The following TRIM62 variants were observed in gnomAD, a reference collection of about 807,000 sequenced individuals.
The protein encoded by TRIM62 is E3 ubiquitin-protein ligase TRIM62.
A neutral mutation model predicts 44.2 loss-of-function variants in TRIM62; 39 were observed. The observed-to-expected ratio is 0.88, with a 90% CI of 0.68 to 1.15. The LOEUF is 1.15. TRIM62 is among the 50% of genes most tolerant of loss of function. The pLI, the probability that TRIM62 is intolerant of heterozygous loss-of-function variation, is 0.00. For missense variants in TRIM62, 544 were observed against 665.5 expected (o/e 0.82, Z 2.01); for synonymous variants, 278 against 292.3 (o/e 0.95, Z 0.50).
At chr1:33,170,998 C>A (rs1262242459) in intron 1 of TRIM62, among the ~76,000 whole-genome samples, 1 of 152,172 alleles carries the variant, frequency 6.6e-6, no homozygotes, top group South Asian at 2.1e-4. Context: ...GTGTCTTCAT[C>A]CCTCACTGTG....
intron 1 of TRIM62, among the ~76,000 whole-genome samples, 170 bp downstream of exon 1, chr1:33,180,855 G>T (rs945121436): frequency 1.3e-4 from 2 of 15,056 alleles, no homozygotes; most frequent in Non-Finnish European, 2.7e-4. Flanking sequence ...CGGCGGCCCC[G>T]CCCCTCCCTG....
chr1:33,147,444 G>A lies in TRIM62; in HGVS notation c.1161C>T (p.Tyr387=), dbSNP rs1265796474. The A allele has an allele frequency of 1.9e-6, 3 of 1,614,044 alleles. No homozygotes were observed. In the Admixed American group the frequency reaches 5.0e-5, roughly 27 times the overall value. Residue 387 remains tyrosine (Y), a synonymous_variant, in exon 5 of 5, where the codon TAC becomes TAT. Coordinates refer to ENST00000291416, the MANE Select transcript of TRIM62 (RefSeq NM_018207.3). This position sits in a 1 kb window ranked among gnomAD's most constrained non-coding sequence, Gnocchi z 8.1. ...GGTTGCCATCGTGCATCACGATGCA[G>A]TAGAAGCCGCGGCTGGGCTGGATCT... The part of the protein sequence containing the change: ...SIQIQPSRGF[Y]CIVMHDGNQY...
In TRIM62 at chr1:33,181,065, T is replaced by C; in HGVS notation, c.368A>G (p.His123Arg). The C allele has an allele frequency of 6.3e-7, 1 of 1,595,058 alleles. No homozygotes were observed. The highest frequency in any genetic ancestry group is 1.3e-5 in the African/African-American group (1 of 74,464). The stretch of plus-strand genomic sequence containing the variant: ...GGCGTCGTCGATGCCGGTGACCTGA[T>C]GCTGCTCGTGCAGTGCAGGCTCGTC... ...FCDEPALHEQ[H>R]QVTGIDDAFD... The change falls in exon 1 of 5, where the codon CAT (histidine) becomes CGT (arginine). Residue 123 changes from histidine to arginine, a missense_variant. Coordinates refer to ENST00000291416, the MANE Select transcript of TRIM62 (RefSeq NM_018207.3). The surrounding 1 kb of genome is among the most constrained non-coding windows in gnomAD (Gnocchi z 6.5).
At chr1:33,158,873 T>G (rs1356845272) in intron 3 of TRIM62, among the ~76,000 whole-genome samples, 1 of 151,644 alleles carries the variant, frequency 6.6e-6, no homozygotes, top group Non-Finnish European at 1.5e-5. Flanking sequence ...AGAGTTTCGC[T>G]CTTATTGCCC....
intron 1 of TRIM62, among the ~76,000 whole-genome samples, chr1:33,178,514 A>C (rs573181733): frequency 4.6e-5 from 7 of 152,328 alleles, no homozygotes; most frequent in African/African-American, 1.7e-4. Flanking sequence ...AGCTGGGCAC[A>C]TGAGCTCTCA....
intron 1 of TRIM62, among the ~76,000 whole-genome samples, chr1:33,170,018 G>A (rs1645360636): frequency 6.6e-6 from 1 of 152,108 alleles, no homozygotes; most frequent in South Asian, 2.1e-4. Context: ...TAATTGCAAG[G>A]TTACCTGTCA....
intron 4 of TRIM62, among the ~76,000 whole-genome samples, chr1:33,151,225 G>T (rs1645092886): frequency 6.6e-6 from 1 of 152,146 alleles, no homozygotes. Context: ...GCCCTGGCGA[G>T]CGGACCTGTG....
At position 33,147,585 on chromosome 1, in the gene TRIM62, C is replaced by A. The variant is rs537805601; in HGVS notation, c.1020G>T (p.Val340=). Residue 340 remains valine, a synonymous_variant, in exon 5 of 5, where the codon GTG becomes GTT. Transcript: ENST00000291416. The surrounding 1 kb of genome is among the most constrained non-coding windows in gnomAD (Gnocchi z 8.1). Reference sequence around the variant, plus strand: ...CACTACTGAAGGCTTCAGAACCCAGCACCGACACCTCCACATCGAAGCGCT... The same window carrying A: ...CACTACTGAAGGCTTCAGAACCCAGAACCGACACCTCCACATCGAAGCGCT... ...SPKRFDVEVS[V]LGSEAFSSGV... is the part of the protein sequence containing the mutation. 1 of 1,614,158 alleles carries A rather than the reference C, an allele frequency of 6.2e-7. No homozygotes were observed. Among genetic ancestry groups the A allele is most frequent in the Non-Finnish European group, 8.5e-7 (1 of 1,180,054 alleles).
At chr1:33,174,189 G>T (rs1415090600) in intron 1 of TRIM62, among the ~76,000 whole-genome samples, 3 of 148,084 alleles carry the variant, frequency 2.0e-5, no homozygotes, top group East Asian at 2.0e-4. Context: ...TTCCTTTTTG[G>T]TTTTTTGAGA....
chr1:33,168,119 G>T (rs1645344433), intron 1 of TRIM62, among the ~76,000 whole-genome samples: 1 of 152,192 alleles, frequency 6.6e-6, no homozygotes, highest in Non-Finnish European at 1.5e-5. Context: ...TCTCTGAGGA[G>T]GTGACAGCAG....
intron 1 of TRIM62, chr1:33,176,523 C>T (rs570360133): frequency 1.4e-5 from 9 of 657,362 alleles, no homozygotes; most frequent in Admixed American, 1.2e-4. Context: ...TGAATCGGAT[C>T]CCCTCTCTGG....
chr1:33,167,102 C>T lies in TRIM62; in HGVS notation c.409-1536G>A, dbSNP rs1570325687. On this transcript the variant is annotated intron_variant, in intron 1 of 4. Coordinates refer to ENST00000291416, the MANE Select transcript of TRIM62 (RefSeq NM_018207.3). The surrounding 1 kb of genome is among the most constrained non-coding windows in gnomAD (Gnocchi z 4.2). ...CTGGCTATTCCCTCTGGCTGGTGGC[C>T]TCCACTCTCAGAGTTTCTCACGGTG... Among the ~76,000 whole-genome samples the T allele has an allele frequency of 6.6e-6, 1 of 152,080 alleles. No homozygotes were observed. Among genetic ancestry groups the T allele is most frequent in the South Asian group, 2.1e-4 (1 of 4,826 alleles).
chr1:33,177,120 T>C lies in TRIM62; in HGVS notation c.408+3905A>G, dbSNP rs1028841641. Among the ~76,000 whole-genome samples the C allele has an allele frequency of 9.3e-5, 14 of 151,276 alleles. No homozygotes were observed. Among genetic ancestry groups the C allele is most frequent in the African/African-American group, 3.2e-4 (13 of 41,180 alleles). Reference sequence around the variant, plus strand: ...ACACACATGCACACACACATGCATGTACGCATGCACACACACGCACATGCA... The same window carrying C: ...ACACACATGCACACACACATGCATGCACGCATGCACACACACGCACATGCA... On this transcript the variant is annotated intron_variant, in intron 1 of 4. Coordinates refer to ENST00000291416, the MANE Select transcript of TRIM62 (RefSeq NM_018207.3). The surrounding 1 kb of genome is among the most constrained non-coding windows in gnomAD (Gnocchi z 4.1).
rs1557763468 is a variant in TRIM62 at position 33,177,071 on chromosome 1, A to ATG, written c.408+3953_408+3954insCA. Among the ~76,000 whole-genome samples the ATG allele has an allele frequency of 4.4e-3, 49 of 11,112 alleles. No homozygotes were observed. In the East Asian group the frequency reaches 0.11, roughly 24 times the overall value. The allele number at this position is 11,112 out of a possible 152,430, so 7.3% of individuals were successfully genotyped here. A position where few individuals can be genotyped will look rare whatever the true frequency, so the allele number is the denominator to read the frequency against. ...CACACGCACACACACACACATGCACACACACACATGCATGCACAAATGCAC... is the reference window on the plus strand; with the variant it reads ...CACACGCACACACACACACATGCACATGCACACACATGCATGCACAAATGCAC... On this transcript the variant is annotated intron_variant, in intron 1 of 4. Coordinates refer to ENST00000291416, the MANE Select transcript of TRIM62 (RefSeq NM_018207.3). The surrounding 1 kb of genome is among the most constrained non-coding windows in gnomAD (Gnocchi z 4.1).
chr1:33,181,032 T>G lies in TRIM62; in HGVS notation c.401A>C (p.Glu134Ala). 1 of 1,364,124 alleles carries G rather than the reference T, an allele frequency of 7.3e-7. No homozygotes were observed. The highest frequency in any genetic ancestry group is 9.6e-7 in the Non-Finnish European group (1 of 1,038,370). 84.5% of individuals were successfully genotyped at this position (1,364,124 alleles called of 1,614,324 possible). ...GCAGGCCGGGTAGCGCACCTGCAGC[T>G]CGTCGAAGGCGTCGTCGATGCCGGT... Reference protein sequence around the residue: ...QVTGIDDAFDELQRELKDQLQ... With the variant: ...QVTGIDDAFDALQRELKDQLQ... Residue 134 changes from glutamate (E) to alanine (A), a missense_variant, in exon 1 of 5, where the codon GAG (glutamate) becomes GCG (alanine). By Grantham distance (107) the Glu-to-Ala change is moderately radical. Transcript: ENST00000291416. The surrounding 1 kb of genome is among the most constrained non-coding windows in gnomAD (Gnocchi z 6.5).
At position 33,147,471 on chromosome 1, in the gene TRIM62, G is replaced by C. The variant is rs370658831; in HGVS notation, c.1134C>G (p.Ile378Met). 2.2e-5 allele frequency: 36 copies of C among 1,613,854 alleles called. 1 individual carries two copies. Among genetic ancestry groups the C allele is most frequent in the Non-Finnish European group, 3.0e-5 (35 of 1,180,020 alleles). The change falls in exon 5 of 5, where the codon ATC (isoleucine) becomes ATG (methionine). Residue 378 changes from isoleucine (I) to methionine (M), a missense_variant. Physicochemically the swap from Ile to Met is conservative, Grantham distance 10. Coordinates refer to ENST00000291416, the MANE Select transcript of TRIM62 (RefSeq NM_018207.3). The surrounding 1 kb of genome is among the most constrained non-coding windows in gnomAD (Gnocchi z 8.1). Reference sequence around the variant, plus strand: ...AGAAGCCGCGGCTGGGCTGGATCTGGATGCTGCCCTTGCGGCTTGCGGCTT... The same window carrying C: ...AGAAGCCGCGGCTGGGCTGGATCTGCATGCTGCCCTTGCGGCTTGCGGCTT... Reference protein sequence around the residue: ...AHEAASRKGSIQIQPSRGFYC... With the variant: ...AHEAASRKGSMQIQPSRGFYC...
chr1:33,176,407 C>T (rs1258676133), intron 1 of TRIM62: 3 of 696,420 alleles, frequency 4.3e-6, no homozygotes, highest in Middle Eastern at 2.3e-4. Context: ...ACCCTGCCTA[C>T]CAGGGCTTGC....
chr1:33,178,495 C>T (rs1484678646), intron 1 of TRIM62, among the ~76,000 whole-genome samples: 4 of 152,220 alleles, frequency 2.6e-5, no homozygotes, highest in Non-Finnish European at 5.9e-5. Context: ...AGAGTCTGGG[C>T]ATTCACTCAG....
chr1:33,155,017 C>T (rs1352319677), intron 4 of TRIM62, among the ~76,000 whole-genome samples: 4 of 148,322 alleles, frequency 2.7e-5, no homozygotes, highest in Non-Finnish European at 6.0e-5. Context: ...GGCGTGAACC[C>T]GGGAGGCAGA....
Sources: gnomAD v4.1 joint callset for allele counts (sites outside exome capture counted in the v4.1 genomes callset) on GRCh38, gnomAD v4.1.1 for gene constraint, Gnocchi (gnomAD v3.1) non-coding constraint, MANE v1.5 for transcripts, NCBI Gene and HGNC (gene_info 2026-07-23, HGNC 2026-07-21) for gene names.